KIAA0825: variants seen among roughly 807,000 people sequenced by gnomAD.
KIAA0825 encodes KIAA0825, also known as uncharacterized protein KIAA0825.
A neutral mutation model predicts 147.6 loss-of-function variants in KIAA0825; 119 were observed. That is an observed-to-expected ratio of 0.81 (90% CI 0.69 to 0.94). The LOEUF is 0.94. Ranked by LOEUF, KIAA0825 falls within the 40% of genes least tolerant of loss-of-function variation. The probability of loss-of-function intolerance (pLI) is 0.00; values close to 1 mark genes in which losing one functional copy is unlikely to be tolerated. For missense variants in KIAA0825, 1,381 were observed against 1,472.7 expected (o/e 0.94, Z 1.02); for synonymous variants, 470 against 518.1 (o/e 0.91, Z 1.26).
chr5:94,583,274 T>C (rs1782580894), intron 1 of KIAA0825, among the ~76,000 whole-genome samples: 2 of 152,214 alleles, frequency 1.3e-5, no homozygotes, highest in Admixed American at 1.3e-4. Flanking sequence ...TGAGTGTCTG[T>C]ACCTGAAGCA....
At chr5:94,559,537 C>G (rs1309635564) in intron 2 of KIAA0825, among the ~76,000 whole-genome samples, 1 of 152,184 alleles carries the variant, frequency 6.6e-6, no homozygotes, top group Non-Finnish European at 1.5e-5. Context: ...AACAATCTTA[C>G]TAAATATATT....
chr5:94,480,332 T>C (rs1762355967), intron 6 of KIAA0825, among the ~76,000 whole-genome samples: 1 of 152,106 alleles, frequency 6.6e-6, no homozygotes, highest in East Asian at 1.9e-4. Context: ...GGTTTTGAGT[T>C]ATTTTTAACA....
In KIAA0825 at chr5:94,582,556, T is replaced by C. The variant is rs1438172882; in HGVS notation, c.-125A>G. The C allele has an allele frequency of 2.0e-5, 3 of 152,118 alleles. No homozygotes were observed. Among genetic ancestry groups the C allele is most frequent in the Non-Finnish European group, 4.4e-5 (3 of 68,014 alleles). The allele number at this position is 152,118 out of a possible 1,614,324, so 9.4% of individuals were successfully genotyped here. ...CTTTTCTAGTAACTTCAGCAACGTT[T>C]TTTTTTCCCAAAGTATGTAAAATGT... On this transcript the variant is annotated 5_prime_UTR_variant, in exon 2 of 21. Transcript: ENST00000682413.
chr5:94,382,086 A>C (rs1748490566), intron 20 of KIAA0825, among the ~76,000 whole-genome samples: 1 of 152,228 alleles, frequency 6.6e-6, no homozygotes, highest in African/African-American at 2.4e-5. Context: ...ATTACCAATA[A>C]AAGGAGCAAA....
intron 17 of KIAA0825, 80 bp downstream of exon 17, chr5:94,396,021 C>T (rs1750608902): frequency 7.7e-7 from 1 of 1,299,194 alleles, no homozygotes; most frequent in Non-Finnish European, 1.0e-6. Context: ...GCCCATCTGA[C>T]AATATATTGT....
At chr5:94,272,898 C>T (rs545381501) in intron 20 of KIAA0825, among the ~76,000 whole-genome samples, 1 of 152,330 alleles carries the variant, frequency 6.6e-6, no homozygotes, top group East Asian at 1.9e-4. Flanking sequence ...AGGAAAAGGC[C>T]TCCTTCTGTC....
At chr5:94,247,930 T>C (rs1775715083) in intron 20 of KIAA0825, among the ~76,000 whole-genome samples, 2 of 152,040 alleles carry the variant, frequency 1.3e-5, no homozygotes, top group Admixed American at 6.6e-5. Flanking sequence ...TTTTAAAATG[T>C]TTTCAAGGGA....
At chr5:94,501,474 G>C (rs1331920682) in intron 5 of KIAA0825, among the ~76,000 whole-genome samples, 3 of 152,152 alleles carry the variant, frequency 2.0e-5, no homozygotes, top group Non-Finnish European at 4.4e-5. Flanking sequence ...AAGTGGCAAA[G>C]CTGGAATACA....
chr5:94,407,304 C>G (rs1172508481), intron 15 of KIAA0825, among the ~76,000 whole-genome samples: 1 of 152,150 alleles, frequency 6.6e-6, no homozygotes, highest in African/African-American at 2.4e-5. Context: ...CTGGGACACG[C>G]CTTCAATTCT....
intron 20 of KIAA0825, among the ~76,000 whole-genome samples, chr5:94,247,509 A>C (rs905511035): frequency 6.6e-6 from 1 of 151,738 alleles, no homozygotes; most frequent in Non-Finnish European, 1.5e-5. Context: ...ATTTCAGCTT[A>C]GATGTCAGGA....
intron 15 of KIAA0825, among the ~76,000 whole-genome samples, chr5:94,404,962 G>C (rs308204): frequency 0.48 from 73,553 of 151,812 alleles, 18,183 homozygotes; most frequent in African/African-American, 0.55. Context: ...TTCCACGACT[G>C]TATTTAAGAC....
At chr5:94,580,917 A>G (rs1308637815) in intron 2 of KIAA0825, among the ~76,000 whole-genome samples, 2 of 141,980 alleles carry the variant, frequency 1.4e-5, no homozygotes, top group Non-Finnish European at 3.0e-5. Context: ...AAAAAAAAAA[A>G]AAAATGCATA....
chr5:94,454,427 C>T (rs966461981), intron 12 of KIAA0825, among the ~76,000 whole-genome samples: 1 of 152,166 alleles, frequency 6.6e-6, no homozygotes, highest in African/African-American at 2.4e-5. Context: ...CTAAATAGAA[C>T]ATCTTCTAAT....
intron 20 of KIAA0825, among the ~76,000 whole-genome samples, chr5:94,289,730 A>T (rs1304167212): frequency 6.6e-6 from 1 of 152,016 alleles, no homozygotes; most frequent in Non-Finnish European, 1.5e-5. Flanking sequence ...CCAAAGCAAT[A>T]TAAAGGACTT....
intron 20 of KIAA0825, among the ~76,000 whole-genome samples, chr5:94,291,119 C>A (rs1012315260): frequency 5.9e-5 from 9 of 152,154 alleles, no homozygotes; most frequent in African/African-American, 2.2e-4. Context: ...TTTTGCTGTG[C>A]AGAACTCTTT....
At chr5:94,596,553 C>T (rs1340873000) in intron 1 of KIAA0825, among the ~76,000 whole-genome samples, 1 of 152,120 alleles carries the variant, frequency 6.6e-6, no homozygotes, top group Non-Finnish European at 1.5e-5. Flanking sequence ...ATTGCCTTGG[C>T]TATTTGGGCT....
intron 20 of KIAA0825, among the ~76,000 whole-genome samples, chr5:94,224,232 G>C (rs1265943855): frequency 2.0e-5 from 3 of 150,476 alleles, no homozygotes; most frequent in African/African-American, 7.3e-5. Context: ...GAGTAGCTGG[G>C]ATTACAGCCG....
At chr5:94,507,715 A>G (rs1765926580) in intron 5 of KIAA0825, among the ~76,000 whole-genome samples, 1 of 152,154 alleles carries the variant, frequency 6.6e-6, no homozygotes, top group South Asian at 2.1e-4. Context: ...GGAAAAGCCT[A>G]AGATCTAATG....
At chr5:94,496,364 C>T in intron 5 of KIAA0825, among the ~76,000 whole-genome samples, 1 of 152,176 alleles carries the variant, frequency 6.6e-6, no homozygotes, top group South Asian at 2.1e-4. Context: ...GAAACAGGGA[C>T]CTACCTTATG....
Sources: allele counts gnomAD v4.1 joint callset (sites outside exome capture counted in the v4.1 genomes callset), GRCh38; gene constraint gnomAD v4.1.1; transcripts MANE v1.5; gene names NCBI Gene and HGNC (gene_info 2026-07-23, HGNC 2026-07-21).